The following LRBA variants were observed in gnomAD, a reference collection of about 807,000 sequenced individuals.
The protein encoded by LRBA is LPS responsive beige-like anchor protein, also known as lipopolysaccharide-responsive and beige-like anchor protein.
Under a neutral mutation model 330.0 loss-of-function variants are expected in LRBA, and 176 were observed. The observed-to-expected ratio is 0.53, with a 90% CI of 0.47 to 0.60. LRBA has a LOEUF of 0.60. LRBA is among the 20% of genes least tolerant of loss of function. The pLI, the probability that LRBA is intolerant of heterozygous loss-of-function variation, is 0.00. For missense variants in LRBA, 3,259 were observed against 3,444.8 expected, an observed-to-expected ratio of 0.95 and a Z score of 1.35; for synonymous variants, 1,230 against 1,193.0, an observed-to-expected ratio of 1.03 and a Z score of -0.64.
Position 150,326,553 on chromosome 4 carries a change from T to C in LRBA, c.7363-655A>G, listed in dbSNP as rs541008607. The stretch of plus-strand genomic sequence containing the variant: ...GCTTTTGCAAGGCACTCTCCTACTA[T>C]GGCTCTTGGTGCACACATAGCACAC... On this transcript the variant is annotated intron_variant, in intron 48 of 56. Transcript: ENST00000651943. Among the ~76,000 whole-genome samples, 10 of 152,352 alleles carry C rather than the reference T, an allele frequency of 6.6e-5. No individual in the cohort carries two copies. The South Asian group carries it at 2.1e-3, about 32-fold the overall frequency.
intron 14 of LRBA, 151 bp downstream of exon 14, chr4:150,899,897 AT>A: frequency 1.9e-6 from 1 of 525,664 alleles, no homozygotes; most frequent in Non-Finnish European, 3.3e-6. Flanking sequence ...AGGACAAACT[AT>A]TAACATTATC....
At chr4:150,278,025 C>G in intron 55 of LRBA, 21 bp from the exon 56 acceptor site, 2 of 1,610,456 alleles carry the variant, frequency 1.2e-6, no homozygotes, top group Non-Finnish European at 1.7e-6. Flanking sequence ...CAGCAACATT[C>G]AGTAGAAATG....
chr4:150,773,337 C>T (rs574111706), intron 34 of LRBA, among the ~76,000 whole-genome samples: 5 of 152,270 alleles, frequency 3.3e-5, no homozygotes, highest in East Asian at 1.9e-4. Context: ...TGAAAGAAAA[C>T]GACTTCTAGT....
rs577456026 is a variant in LRBA, at chr4:150,572,077, G to A, written c.6330+15971C>T. On this transcript the variant is annotated intron_variant, in intron 40 of 56. Transcript: ENST00000651943. ...TTTAGTCAAAACATGTAACACTTTT[G>A]TGTTTACATGAGCATAAATTGTATC... Among the ~76,000 whole-genome samples, 10 of 151,802 alleles carry A rather than the reference G, an allele frequency of 6.6e-5. No individual in the cohort carries two copies. In the East Asian group the frequency reaches 1.9e-3, roughly 29 times the overall value.
chr4:150,273,340 C>A lies in LRBA; in HGVS notation c.8468+4513G>T, dbSNP rs538501859. Among the ~76,000 whole-genome samples, 7 of 152,268 alleles carry A rather than the reference C, an allele frequency of 4.6e-5. No individual in the cohort carries two copies. In the East Asian group the frequency reaches 1.2e-3, roughly 25 times the overall value. On this transcript the variant is annotated intron_variant, in intron 56 of 56. Transcript: ENST00000651943. ...TAGACATGGAAAGGAACAACCGGTA[C>A]CAGCCACTATGAAAACATACCAAAT...
intron 38 of LRBA, among the ~76,000 whole-genome samples, chr4:150,593,763 TC>T (rs1212825743): frequency 6.6e-5 from 10 of 152,058 alleles, no homozygotes; most frequent in African/African-American, 2.2e-4. Context: ...GCCATACATG[TC>T]CTAAAGTACA....
intron 40 of LRBA, among the ~76,000 whole-genome samples, chr4:150,559,721 TATATAATATATA>T (rs1352955415): frequency 3.4e-5 from 3 of 89,474 alleles, no homozygotes; most frequent in South Asian, 2.5e-4. Context: ...TATTATAGAT[TATATAATATATA>T]ATATAATATA....
chr4:150,853,295 C>T (rs1750833130), intron 22 of LRBA, among the ~76,000 whole-genome samples: 1 of 152,164 alleles, frequency 6.6e-6, no homozygotes, highest in South Asian at 2.1e-4. Context: ...GCTTTATGCA[C>T]TGGATAACAC....
chr4:150,846,973 T>C (rs1749938247), intron 26 of LRBA, among the ~76,000 whole-genome samples: 1 of 152,232 alleles, frequency 6.6e-6, no homozygotes, highest in South Asian at 2.1e-4. Context: ...CTTGCACTTT[T>C]ACTTCTAGAA....
At chr4:150,888,276 TCAA>T (rs1316774272) in intron 17 of LRBA, among the ~76,000 whole-genome samples, 1 of 152,220 alleles carries the variant, frequency 6.6e-6, no homozygotes, top group East Asian at 1.9e-4. Context: ...TCAAAACTGC[TCAA>T]CAAGTTCTTT....
chr4:150,285,432 C>A (rs1748025922), intron 54 of LRBA, among the ~76,000 whole-genome samples: 1 of 152,222 alleles, frequency 6.6e-6, no homozygotes, highest in Non-Finnish European at 1.5e-5. Flanking sequence ...GCTTAAGTAT[C>A]TTTCTACTCC....
intron 40 of LRBA, among the ~76,000 whole-genome samples, chr4:150,556,380 A>G (rs747124707): frequency 6.6e-5 from 10 of 152,228 alleles, no homozygotes; most frequent in Non-Finnish European, 1.2e-4. Flanking sequence ...ATTTGATTAT[A>G]TGGTTAATGT....
Position 150,310,335 on chromosome 4 carries a change from T to C in LRBA, c.7743A>G (p.Gln2581=), listed in dbSNP as rs1416224478. ...HRRQITDLLD[Q]SIQVHSQCFV... ...AGCACTGGGAATGCACTTGAATACT[T>C]TGGTCTAAAAGGTCAGTGATTTGCC... The change falls in exon 52 of 57, where the codon CAA becomes CAG. Residue 2581 remains glutamine, a synonymous_variant. Coordinates refer to ENST00000651943, the MANE Select transcript of LRBA (RefSeq NM_001364905.1). The C allele has an allele frequency of 6.2e-7, 1 of 1,613,154 alleles. No individual in the cohort carries two copies. Among genetic ancestry groups the C allele is most frequent in the Non-Finnish European group, 8.5e-7 (1 of 1,179,430 alleles).
intron 42 of LRBA, among the ~76,000 whole-genome samples, chr4:150,484,295 C>T (rs1457115871): frequency 2.0e-5 from 3 of 151,920 alleles, no homozygotes; most frequent in African/African-American, 4.8e-5. Context: ...ATCTGAACTA[C>T]AAGTTTTCTC....
At chr4:150,271,080 T>A (rs1481954221) in intron 56 of LRBA, among the ~76,000 whole-genome samples, 1 of 152,054 alleles carries the variant, frequency 6.6e-6, no homozygotes, top group Non-Finnish European at 1.5e-5. Flanking sequence ...GGTGGGGTGT[T>A]GCCTCACCCA....
chr4:150,897,731 G>C lies in LRBA; in HGVS notation c.2004+8C>G, dbSNP rs1409070161. On this transcript the variant is annotated splice_region_variant and intron_variant, in intron 15 of 56. Coordinates refer to ENST00000651943, the MANE Select transcript of LRBA (RefSeq NM_001364905.1). ...CGGTATGCTATGGAATAAGCAACGT[G>C]AACTCACCTTCATCACTAATTGCTT... 1 of 1,599,928 alleles carries C rather than the reference G, an allele frequency of 6.3e-7. No individual in the cohort carries two copies. The highest frequency in any genetic ancestry group is 1.3e-5 in the African/African-American group (1 of 74,614).
rs188456149 is a variant in LRBA, at chr4:150,982,343, T to C, written c.216+32084A>G. Among the ~76,000 whole-genome samples, 72 of 152,294 alleles carry C rather than the reference T, an allele frequency of 4.7e-4. No homozygotes were observed. In the East Asian group the frequency reaches 0.013, roughly 28 times the overall value. The stretch of plus-strand genomic sequence containing the variant: ...ATAGCTATTAAAATATGTAATGTTT[T>C]AAATGGGCTTTAAAGCTTCAAAAAC... On this transcript the variant is annotated intron_variant, in intron 2 of 56. Transcript: ENST00000651943.
intron 30 of LRBA, among the ~76,000 whole-genome samples, chr4:150,818,561 T>C (rs1016423035): frequency 4.2e-5 from 6 of 141,876 alleles, no homozygotes; most frequent in Admixed American, 1.4e-4. Context: ...TGTGTGTGTG[T>C]GTGCGTGCAC....
chr4:150,534,364 A>G (rs1764395184), intron 40 of LRBA, among the ~76,000 whole-genome samples: 1 of 148,066 alleles, frequency 6.8e-6, no homozygotes, highest in Non-Finnish European at 1.5e-5. Context: ...TAATAATAAT[A>G]ATAATAATAA....
Sources: gnomAD v4.1 joint callset for allele counts (sites outside exome capture counted in the v4.1 genomes callset) on GRCh38, gnomAD v4.1.1 for gene constraint, MANE v1.5 for transcripts, NCBI Gene and HGNC (gene_info 2026-07-23, HGNC 2026-07-21) for gene names.